ZNF69: variants seen among roughly 807,000 people sequenced by gnomAD.
ZNF69 encodes the protein ZNF3.
Under a neutral mutation model 50.9 loss-of-function variants are expected in ZNF69, and 47 were observed. The observed-to-expected ratio is 0.92, with a 90% CI of 0.73 to 1.18. The LOEUF (loss-of-function observed/expected upper bound fraction) is 1.18, where lower values mean the gene tolerates loss of function less well. ZNF69 is among the 50% of genes most tolerant of loss of function. ZNF69 has a pLI of 0.00. For missense variants in ZNF69, 717 were observed against 675.1 expected (o/e 1.06, Z -0.69); for synonymous variants, 216 against 223.1 (o/e 0.97, Z 0.29).
intron 1 of ZNF69, among the ~76,000 whole-genome samples, chr19:11,894,256 G>A (rs1028768238): frequency 5.3e-5 from 8 of 151,974 alleles, no homozygotes; most frequent in African/African-American, 1.5e-4. Flanking sequence ...TGCAAGCTCC[G>A]CCTCCCGGGT....
intron 1 of ZNF69, among the ~76,000 whole-genome samples, chr19:11,901,204 G>A (rs1009666738): frequency 3.3e-5 from 5 of 152,104 alleles, no homozygotes; most frequent in Non-Finnish European, 5.9e-5. Flanking sequence ...TGTCTTTATA[G>A]TAGATGTTTC....
At chr19:11,893,199 G>A (rs777989837) in intron 1 of ZNF69, among the ~76,000 whole-genome samples, 1 of 152,168 alleles carries the variant, frequency 6.6e-6, no homozygotes. Context: ...GCCTGATTAA[G>A]CATAAATTTT....
the ZNF69 span, chr19:11,925,075 A>G: frequency 2.1e-6 from 2 of 962,570 alleles, no homozygotes; most frequent in Non-Finnish European, 3.1e-6. Flanking sequence ...GGCACTGCCC[A>G]CAGTTCATCC....
rs1292973897 is a variant in ZNF69 at position 11,888,043 on chromosome 19, G to A, written c.63+57G>A. 73 of 1,559,836 alleles carry A rather than the reference G, an allele frequency of 4.7e-5. 1 individual carries two copies. In the Admixed American group the frequency reaches 1.2e-3, roughly 26 times the overall value. On this transcript the variant is annotated intron_variant, in intron 1 of 3. Transcript: ENST00000429654. Reference sequence around the variant, plus strand: ...GGGGAGGGGCTGCCTGGACCGACCGGAACCGACTGTGGCGAGACCCTGGCT... The same window carrying A: ...GGGGAGGGGCTGCCTGGACCGACCGAAACCGACTGTGGCGAGACCCTGGCT...
chr19:11,922,936 C>CT, the ZNF69 span, among the ~76,000 whole-genome samples: 2 of 152,012 alleles, frequency 1.3e-5, no homozygotes, highest in African/African-American at 4.8e-5. Context: ...CCTCAGCCTC[C>CT]TGAGTAGCTG....
chr19:11,909,029 G>A (rs1030293674), downstream of ZNF69, among the ~76,000 whole-genome samples: 9 of 152,168 alleles, frequency 5.9e-5, no homozygotes, highest in African/African-American at 2.2e-4. Flanking sequence ...TACCATCAGA[G>A]AGTACTATAA....
At chr19:11,965,036 A>T in the ZNF69 span, 1 of 733,178 alleles carries the variant, frequency 1.4e-6, no homozygotes, top group South Asian at 1.6e-5. Flanking sequence ...AGTGGGTCGC[A>T]TTCCTGTCCT....
At chr19:11,971,723 T>G in the ZNF69 span, among the ~76,000 whole-genome samples, 4 of 152,330 alleles carry the variant, frequency 2.6e-5, no homozygotes, top group African/African-American at 9.6e-5. Context: ...AATAATCATT[T>G]TATATCCTTC....
chr19:11,971,621 C>T, the ZNF69 span, among the ~76,000 whole-genome samples: 1 of 152,228 alleles, frequency 6.6e-6, no homozygotes, highest in South Asian at 2.1e-4. Flanking sequence ...GAGGTTACAT[C>T]ATAGTGTTAT....
At chr19:11,979,579 C>T in the ZNF69 span, 6 of 1,604,610 alleles carry the variant, frequency 3.7e-6, no homozygotes, top group Non-Finnish European at 5.1e-6. Flanking sequence ...TCAGTAGTTC[C>T]AGTTCCTTTT....
downstream of ZNF69, among the ~76,000 whole-genome samples, chr19:11,917,010 G>A (rs905929408): frequency 7.9e-5 from 12 of 152,126 alleles, no homozygotes; most frequent in African/African-American, 2.9e-4. Context: ...GTGAACTGTG[G>A]GTAGTTCTAT....
In ZNF69 at chr19:11,905,014, G is replaced by C; in HGVS notation, c.617G>C (p.Ser206Thr). The change falls in exon 4 of 4, where the codon AGC becomes ACC. Residue 206 changes from serine to threonine, a missense_variant. By Grantham distance (58) the Ser-to-Thr change is moderately conservative. Transcript: ENST00000429654. ...GGAAAAACTTTTATTTCCCATTCAAGCATTCAAAGACACGTGGTAATGCAC... is the reference window on the plus strand; with the variant it reads ...GGAAAAACTTTTATTTCCCATTCAACCATTCAAAGACACGTGGTAATGCAC... ...ECGKTFISHS[S>T]IQRHVVMHSG... 6.2e-7 allele frequency: 1 copy of C among 1,614,088 alleles called. No homozygotes were observed. The highest frequency in any genetic ancestry group is 8.5e-7 in the Non-Finnish European group (1 of 1,180,010).
chr19:11,932,635 A>ATTTTT, the ZNF69 span, among the ~76,000 whole-genome samples: 1 of 116,856 alleles, frequency 8.6e-6, no homozygotes, highest in African/African-American at 3.8e-5. Flanking sequence ...CCAATATGTG[A>ATTTTT]TTTTTTTTTT....
At chr19:11,925,513 G>A in the ZNF69 span, among the ~76,000 whole-genome samples, 2 of 152,152 alleles carry the variant, frequency 1.3e-5, no homozygotes, top group South Asian at 4.1e-4. Context: ...CTGCCCCGGA[G>A]CCCTCTCTGG....
downstream of ZNF69, among the ~76,000 whole-genome samples, chr19:11,916,063 T>C (rs543614790): frequency 5.9e-5 from 9 of 152,316 alleles, no homozygotes; most frequent in Admixed American, 5.2e-4. Context: ...GATGCAGTAC[T>C]CAGTGATGCC....
chr19:11,947,775 A>G, the ZNF69 span, among the ~76,000 whole-genome samples: 9 of 152,142 alleles, frequency 5.9e-5, no homozygotes, highest in Admixed American at 2.6e-4. Flanking sequence ...AGAAGTGGAG[A>G]TAGGAGGATA....
chr19:11,978,427 G>C, the ZNF69 span: 2 of 1,614,160 alleles, frequency 1.2e-6, no homozygotes, highest in South Asian at 2.2e-5. Flanking sequence ...AATCACACCG[G>C]AGAGAAACCC....
chr19:11,905,578 G>T lies in ZNF69; in HGVS notation c.1181G>T (p.Gly394Val). The part of the protein sequence containing the change: ...GEKPYKCKQC[G>V]KAFIHSSSLR... ...AAACCCTATAAATGCAAGCAATGTG[G>T]TAAAGCCTTCATTCATTCCAGTTCC... Residue 394 changes from glycine to valine, a missense_variant, in exon 4 of 4, where the codon GGT becomes GTT. By Grantham distance (109) the Gly-to-Val change is moderately radical. Transcript: ENST00000429654. The T allele has an allele frequency of 6.2e-7, 1 of 1,613,924 alleles. No individual in the cohort carries two copies. Among genetic ancestry groups the T allele is most frequent in the Non-Finnish European group, 8.5e-7 (1 of 1,179,968 alleles).
chr19:11,960,494 GT>G, the ZNF69 span, among the ~76,000 whole-genome samples: 3 of 151,778 alleles, frequency 2.0e-5, no homozygotes, highest in African/African-American at 7.3e-5. Context: ...GGGTCTCAGT[GT>G]TTTGCCCAGG....
Sources: allele counts gnomAD v4.1 joint callset (sites outside exome capture counted in the v4.1 genomes callset), GRCh38; gene constraint gnomAD v4.1.1; transcripts MANE v1.5; gene names NCBI Gene and HGNC (gene_info 2026-07-23, HGNC 2026-07-21).